The following RNF19A variants were observed in gnomAD, a reference collection of about 807,000 sequenced individuals.
RNF19A encodes the protein E3 ubiquitin-protein ligase RNF19A.
In RNF19A, 32 loss-of-function variants were observed where a neutral mutation model predicts 75.7. The observed-to-expected ratio is 0.42, with a 90% CI of 0.32 to 0.57. The LOEUF (loss-of-function observed/expected upper bound fraction) is 0.57, where lower values mean the gene tolerates loss of function less well. RNF19A is among the 20% of genes least tolerant of loss of function. RNF19A has a pLI of 0.10. For missense variants in RNF19A, 782 were observed against 1,036.3 expected, an observed-to-expected ratio of 0.75 and a Z score of 3.37; for synonymous variants, 335 against 345.2, an observed-to-expected ratio of 0.97 and a Z score of 0.33.
intron 1 of RNF19A, among the ~76,000 whole-genome samples, chr8:100,304,006 G>C (rs1354464784): frequency 2.0e-5 from 3 of 152,096 alleles, no homozygotes; most frequent in East Asian, 1.9e-4. Context: ...ACCCTGCCTG[G>C]AGTGCAATGT....
At chr8:100,276,723 CAAAAAAAAAA>C (rs60419107) in intron 2 of RNF19A, among the ~76,000 whole-genome samples, 7 of 80,596 alleles carry the variant, frequency 8.7e-5, no homozygotes, top group Non-Finnish European at 1.7e-4. Flanking sequence ...ACCACTGTAC[CAAAAAAAAAA>C]AAAAAAAAAA....
chr8:100,292,435 G>GGGGTGTGT (rs137938989), intron 1 of RNF19A, among the ~76,000 whole-genome samples: 9,415 of 145,346 alleles, frequency 0.065, 607 homozygotes, highest in African/African-American at 0.17. Flanking sequence ...CTATCATATG[G>GGGGTGTGT]GTGTGTGTGT....
intron 1 of RNF19A, among the ~76,000 whole-genome samples, chr8:100,291,613 A>G (rs534117845): frequency 1.3e-5 from 2 of 152,332 alleles, no homozygotes; most frequent in East Asian, 3.9e-4. Context: ...CATCATTAGA[A>G]AGGTATTCTG....
At chr8:100,309,512 G>C (rs1822205248) in intron 1 of RNF19A, 1 of 985,368 alleles carries the variant, frequency 1.0e-6, no homozygotes, top group African/African-American at 1.7e-5. Context: ...GGGGAGCGCC[G>C]CCTCGGCCCG....
In RNF19A at chr8:100,325,874, TA is replaced by T. The variant is rs1299413774; in HGVS notation, c.-243+10233del. On this transcript the variant is annotated intron_variant, in intron 1 of 3. Coordinates refer to the RNF19A transcript ENST00000519527. This position sits in a 1 kb window ranked among gnomAD's most constrained non-coding sequence, Gnocchi z 4.3. The stretch of plus-strand genomic sequence containing the variant: ...CATTTTCTTCCTTCTCTCCTCTTTT[TA>T]AAATTTATTTAATTAACAAACTGAG... Among the ~76,000 whole-genome samples, 5 of 152,178 alleles carry T rather than the reference TA, an allele frequency of 3.3e-5. No individual in the cohort carries two copies. The highest frequency in any genetic ancestry group is 1.2e-4 in the African/African-American group (5 of 41,434).
At chr8:100,306,327 C>A (rs1822059679) in intron 1 of RNF19A, among the ~76,000 whole-genome samples, 1 of 152,208 alleles carries the variant, frequency 6.6e-6, no homozygotes, top group Non-Finnish European at 1.5e-5. Flanking sequence ...CTGAACACTT[C>A]TGTCATATTG....
intron 1 of RNF19A, among the ~76,000 whole-genome samples, chr8:100,320,570 C>T (rs1822451855): frequency 1.3e-5 from 2 of 152,202 alleles, no homozygotes; most frequent in South Asian, 4.1e-4. Flanking sequence ...CATTTGGATT[C>T]TCAGAGCCCT....
chr8:100,335,878 G>A (rs1563879044), intron 1 of RNF19A, among the ~76,000 whole-genome samples: 1 of 152,234 alleles, frequency 6.6e-6, no homozygotes, highest in Non-Finnish European at 1.5e-5. Context: ...CTCAGCCACG[G>A]CTGATTGGGC....
chr8:100,320,978 T>C (rs527708914), intron 1 of RNF19A, among the ~76,000 whole-genome samples: 1 of 152,366 alleles, frequency 6.6e-6, no homozygotes, highest in East Asian at 1.9e-4. Context: ...AAAATACTAA[T>C]GATCATCTGA....
chr8:100,266,685 G>GT (rs1419839916), intron 5 of RNF19A, among the ~76,000 whole-genome samples: 2 of 151,788 alleles, frequency 1.3e-5, no homozygotes, highest in African/African-American at 4.8e-5. Flanking sequence ...TGATTATTTA[G>GT]TTTTTTGTAG....
Position 100,268,872 on chromosome 8 carries a change from C to T in RNF19A, c.1104G>A (p.Leu368=), listed in dbSNP as rs1313309472. The T allele has an allele frequency of 2.5e-6, 4 of 1,606,758 alleles. No homozygotes were observed. Among genetic ancestry groups the T allele is most frequent in the Non-Finnish European group, 3.4e-6 (4 of 1,175,654 alleles). ...KKKILWQLGT[L]VGAPVGIALI... ...AAGCGATTCCGACAGGAGCACCAAC[C>T]AGTGTTCCCAGTTGCCACAATATTT... Residue 368 remains leucine, a synonymous_variant, in exon 5 of 10, where the codon CTG becomes CTA. Transcript: ENST00000341084.
In RNF19A at chr8:100,261,530, C is replaced by CA. The variant is rs752136498; in HGVS notation, c.1682+11dup. 1 of 1,612,642 alleles carries CA rather than the reference C, an allele frequency of 6.2e-7. No homozygotes were observed. Reference sequence around the variant, plus strand: ...ACCAGAAAGCAGAACCAAACCAAACCAAAACACACACCTGTTAAAACAGTT... The same window carrying CA: ...ACCAGAAAGCAGAACCAAACCAAACCAAAAACACACACCTGTTAAAACAGTT... On this transcript the variant is annotated intron_variant, in intron 8 of 9. Coordinates refer to ENST00000341084, the MANE Select transcript of RNF19A (RefSeq NM_183419.4). This position sits in a 1 kb window ranked among gnomAD's most constrained non-coding sequence, Gnocchi z 4.4.
chr8:100,316,270 G>A (rs1033128167), intron 1 of RNF19A, among the ~76,000 whole-genome samples: 1 of 152,108 alleles, frequency 6.6e-6, no homozygotes, highest in Non-Finnish European at 1.5e-5. Flanking sequence ...CATAAAAGCA[G>A]CGTGGACCCA....
upstream of RNF19A, among the ~76,000 whole-genome samples, chr8:100,314,241 C>A (rs1220346457): frequency 6.6e-6 from 1 of 151,930 alleles, no homozygotes; most frequent in Non-Finnish European, 1.5e-5. This position sits in a 1 kb window ranked among gnomAD's most constrained non-coding sequence, Gnocchi z 4.1. Context: ...TATATGTTCA[C>A]TTTATTGAGT....
chr8:100,300,019 G>A (rs1035655591), intron 1 of RNF19A, among the ~76,000 whole-genome samples: 1 of 152,198 alleles, frequency 6.6e-6, no homozygotes, highest in African/African-American at 2.4e-5. Flanking sequence ...CAATCTGTAA[G>A]AGGTGTTTGG....
At chr8:100,294,654 A>G (rs1158276252) in intron 1 of RNF19A, among the ~76,000 whole-genome samples, 2 of 152,034 alleles carry the variant, frequency 1.3e-5, no homozygotes, top group African/African-American at 4.8e-5. Flanking sequence ...CACTACATAG[A>G]CTTTTCTTTA....
Position 100,261,461 on chromosome 8 carries a change from A to G in RNF19A, c.1682+81T>C. The G allele has an allele frequency of 8.3e-7, 1 of 1,210,100 alleles. No individual in the cohort carries two copies. The highest frequency in any genetic ancestry group is 1.2e-6 in the Non-Finnish European group (1 of 823,334). 75.0% of individuals were successfully genotyped at this position (1,210,100 alleles called of 1,614,324 possible). ...CATAGTAGGGTTATATATAATCATCATGCTTTATGTTCAAAATTCTCACCT... is the reference window on the plus strand; with the variant it reads ...CATAGTAGGGTTATATATAATCATCGTGCTTTATGTTCAAAATTCTCACCT... On this transcript the variant is annotated intron_variant, in intron 8 of 9. Transcript: ENST00000341084. This position sits in a 1 kb window ranked among gnomAD's most constrained non-coding sequence, Gnocchi z 4.4.
At chr8:100,274,467 C>T (rs931556636) in intron 3 of RNF19A, among the ~76,000 whole-genome samples, 23 of 152,172 alleles carry the variant, frequency 1.5e-4, no homozygotes, top group Admixed American at 1.2e-3. Flanking sequence ...TATTAAATGT[C>T]GAACATTCTG....
rs9642785 is a variant in RNF19A, at chr8:100,258,568, C to G, written c.2505G>C (p.Gln835His). Residue 835 changes from glutamine (Q) to histidine (H), a missense_variant, in exon 10 of 10, where the codon CAG becomes CAC. By Grantham distance (24) the Gln-to-His change is conservative (BLOSUM62 0). This residue lies in a region of RNF19A where 442 missense variants were observed against 541.6 expected (regional missense o/e 0.82). Transcript: ENST00000341084. This position sits in a 1 kb window ranked among gnomAD's most constrained non-coding sequence, Gnocchi z 4.3. ...HQTMELKVAI[Q>H]TEI ...AGCATTTATGGGCCTAAATTTCAGT[C>G]TGAATTGCAACTTTTAATTCCATTG... The G allele has an allele frequency of 9.9e-6, 16 of 1,608,282 alleles. No homozygotes were observed. The East Asian group carries it at 1.3e-4, about 13-fold the overall frequency.
Sources: allele counts gnomAD v4.1 joint callset (sites outside exome capture counted in the v4.1 genomes callset), GRCh38; gene constraint gnomAD v4.1.1; regional missense constraint gnomAD v4.1.1; non-coding constraint Gnocchi (gnomAD v3.1); transcripts MANE v1.5; gene names NCBI Gene and HGNC (gene_info 2026-07-23, HGNC 2026-07-21).